The following CCDC78 variants were observed in gnomAD, a reference collection of about 807,000 sequenced individuals.
CCDC78 encodes coiled-coil domain containing 78.
In CCDC78, 78 loss-of-function variants were observed where a neutral mutation model predicts 61.9. The ratio of observed to expected loss-of-function variants is 1.26; its 90% confidence interval spans 1.05 to 1.52. The LOEUF is 1.52. CCDC78 is among the 40% of genes most tolerant of loss of function. The pLI is 0.00. For synonymous variants in CCDC78, 287 were observed against 251.9 expected, an observed-to-expected ratio of 1.14 and a Z score of -1.32; for missense variants, 737 against 615.5, an observed-to-expected ratio of 1.20 and a Z score of -2.09.
chr16:722,900 A>C (rs2040351627), intron 13 of CCDC78, 22 bp downstream of exon 13: 2 of 1,610,690 alleles, frequency 1.2e-6, no homozygotes, highest in Non-Finnish European at 8.5e-7. Context: ...CCCTGGGGTC[A>C]CACCCAGCTC....
At chr16:724,878 C>T in intron 7 of CCDC78, 33 bp downstream of exon 7, 1 of 1,598,550 alleles carries the variant, frequency 6.3e-7, no homozygotes, top group Non-Finnish European at 8.5e-7. Flanking sequence ...CCCCCACCCT[C>T]CAGGTCTCCA....
At position 726,421 on chromosome 16, in the gene CCDC78, TC is replaced by T; in HGVS notation, c.-55del. 6.7e-7 allele frequency: 1 copy of T among 1,500,612 alleles called. No individual in the cohort carries two copies. The highest frequency in any genetic ancestry group is 8.8e-7 in the Non-Finnish European group (1 of 1,135,026). The allele number at this position is 1,500,612 out of a possible 1,614,324, so 93.0% of individuals were successfully genotyped here. On this transcript the variant is annotated 5_prime_UTR_variant, in exon 1 of 14. It removes the in-frame stop codon of an upstream open reading frame in the 5' UTR. Transcript: ENST00000345165. ...CCCGGTGCTGCCTCCACGCCCGGCTTCCCCATGGCTGCTGCTGCCACTGGCA... is the reference window on the plus strand; with the variant it reads ...CCCGGTGCTGCCTCCACGCCCGGCTTCCCATGGCTGCTGCTGCCACTGGCA...
intron 11 of CCDC78, 151 bp from the exon 12 acceptor site, chr16:723,312 C>T (rs997288453): frequency 2.2e-5 from 19 of 851,678 alleles, no homozygotes; most frequent in East Asian, 1.8e-4. Flanking sequence ...GCTCCTGTGG[C>T]GCCCCCCCCA....
intron 3 of CCDC78, 57 bp downstream of exon 3, chr16:725,737 C>T: frequency 1.3e-6 from 2 of 1,576,438 alleles, no homozygotes; most frequent in Non-Finnish European, 1.7e-6. Context: ...GGGCACGTGT[C>T]CTGGGCCTGC....
chr16:724,282 C>G (rs903278547), intron 9 of CCDC78, 40 bp downstream of exon 9: 1 of 1,599,126 alleles, frequency 6.3e-7, no homozygotes, highest in Non-Finnish European at 8.5e-7. Flanking sequence ...GGCTTAGAGA[C>G]CCACAGATGC....
At position 722,780 on chromosome 16, in the gene CCDC78, G is replaced by C. The variant is rs775569629; in HGVS notation, c.1311C>G (p.His437Gln). The C allele has an allele frequency of 1.2e-5, 19 of 1,612,476 alleles. No individual in the cohort carries two copies. Among genetic ancestry groups the C allele is most frequent in the Admixed American group, 3.3e-5 (2 of 60,000 alleles). ...CCAGCTTCCTCAGCCTCAGGATTTCGTGCTTGTACCTGCTCAGAGGAACCA... is the reference window on the plus strand; with the variant it reads ...CCAGCTTCCTCAGCCTCAGGATTTCCTGCTTGTACCTGCTCAGAGGAACCA... ...YVDQHLGRYKHEILRLRKLAG... is the reference protein window; with the variant it reads ...YVDQHLGRYKQEILRLRKLAG... The change falls in exon 14 of 14, where the codon CAC (histidine) becomes CAG (glutamine). Residue 437 changes from histidine (H) to glutamine (Q), a missense_variant. Transcript: ENST00000345165.
At chr16:724,055 G>A (rs1414467483) in intron 10 of CCDC78, 51 bp downstream of exon 10, 1 of 888,266 alleles carries the variant, frequency 1.1e-6, no homozygotes, top group Non-Finnish European at 1.4e-6. Context: ...TGGGGCAGTG[G>A]GTGGGTGGGG....
chr16:725,608 C>T (rs768997934), intron 3 of CCDC78, 28 bp from the exon 4 acceptor site: 15 of 1,596,498 alleles, frequency 9.4e-6, no homozygotes, highest in Non-Finnish European at 1.3e-5. Flanking sequence ...TGAGCAGGTG[C>T]ACCTGCCCGC....
At chr16:725,630 G>A (rs2040829015) in intron 3 of CCDC78, 50 bp from the exon 4 acceptor site, 2 of 1,590,308 alleles carry the variant, frequency 1.3e-6, no homozygotes, top group South Asian at 1.1e-5. Context: ...GGCCACCTGG[G>A]GTAGGTGAAC....
intron 11 of CCDC78, 138 bp from the exon 12 acceptor site, chr16:723,299 C>A: frequency 2.1e-6 from 2 of 951,554 alleles, no homozygotes; most frequent in Middle Eastern, 2.1e-4. Context: ...GGGCCCCCCC[C>A]GTGCTCCTGT....
intron 11 of CCDC78, 146 bp downstream of exon 11, chr16:723,711 G>A: frequency 1.3e-6 from 1 of 750,836 alleles, no homozygotes; most frequent in Non-Finnish European, 2.3e-6. Flanking sequence ...AGGGACCCCA[G>A]GGTGGGGATG....
chr16:723,908 G>A lies in CCDC78; in HGVS notation c.1082C>T (p.Ser361Phe), dbSNP rs921769306. The change falls in exon 11 of 14, where the codon TCC (serine) becomes TTC (phenylalanine). Residue 361 changes from serine (S) to phenylalanine (F), a missense_variant. By Grantham distance (155) the Ser-to-Phe change is radical (BLOSUM62 -2). Transcript: ENST00000345165. ...QHGGPGALLS[S>F]PKKRPGGASQ... is the part of the protein sequence containing the mutation. ...GGCTCCACCGGGTCTCTTTTTTGGG[G>A]ATGAGAGCAGTGCCCCAGGCCCGCC... 6.9e-6 allele frequency: 11 copies of A among 1,601,270 alleles called. No individual in the cohort carries two copies. The highest frequency in any genetic ancestry group is 1.7e-5 in the Admixed American group (1 of 58,464).
Position 726,098 on chromosome 16 carries a change from C to A in CCDC78, c.61-13G>T, listed in dbSNP as rs576534778. The A allele has an allele frequency of 6.5e-7, 1 of 1,549,046 alleles. No individual in the cohort carries two copies. Among genetic ancestry groups the A allele is most frequent in the Admixed American group, 2.0e-5 (1 of 50,818 alleles). ...CTCGTAGCACAACCTGGGGAGGTAC[C>A]GCCACCCATTCCCCAGGTGGGTCCC... On this transcript the variant is annotated splice_polypyrimidine_tract_variant and intron_variant, in intron 1 of 13. Coordinates refer to ENST00000345165, the MANE Select transcript of CCDC78 (RefSeq NM_001378030.1).
In CCDC78 at chr16:725,165, G is replaced by A; in HGVS notation, c.493-20C>T. The stretch of plus-strand genomic sequence containing the variant: ...CTGCAGCTGTGGGGCACACAGGGCT[G>A]GCTGGATGAGACCCTAGGCTTGGGG... On this transcript the variant is annotated intron_variant, in intron 5 of 13. Transcript: ENST00000345165. The A allele has an allele frequency of 1.9e-6, 3 of 1,612,604 alleles. No individual in the cohort carries two copies. Among genetic ancestry groups the A allele is most frequent in the Non-Finnish European group, 2.5e-6 (3 of 1,180,018 alleles).
chr16:723,180 G>A lies in CCDC78; in HGVS notation c.1134-19C>T, dbSNP rs1320283995. 14 of 1,611,900 alleles carry A rather than the reference G, an allele frequency of 8.7e-6. No individual in the cohort carries two copies. The highest frequency in any genetic ancestry group is 1.3e-5 in the African/African-American group (1 of 75,050). ...CAGGCCCCTGTGAGGGGAGAGGAAA[G>A]GAGGAGTGGTTTTGAGAGCTGGCAT... On this transcript the variant is annotated intron_variant, in intron 11 of 13. Transcript: ENST00000345165.
rs375625161 is a variant in CCDC78, at chr16:724,414, G to A, written c.861C>T (p.Ser287=). Residue 287 remains serine, a synonymous_variant, in exon 9 of 14, where the codon AGC becomes AGT. Coordinates refer to ENST00000345165, the MANE Select transcript of CCDC78 (RefSeq NM_001378030.1). ...CAGCCCGGGCCAGCTGCTGCTCACG[G>A]CTGCGGTGCGCTGCCCGGATGTCCT... ...TLEDIRAAHR[S]REQQLARAAR... is the part of the protein sequence containing the mutation. 47 of 1,609,226 alleles carry A rather than the reference G, an allele frequency of 2.9e-5. No homozygotes were observed. The African/African-American group carries it at 6.1e-4, about 21-fold the overall frequency.
chr16:722,690 G>A lies in CCDC78; in HGVS notation c.1401C>T (p.Thr467=), dbSNP rs761477432. 3.7e-5 allele frequency: 59 copies of A among 1,607,268 alleles called. No homozygotes were observed. The East Asian group carries it at 1.0e-3, about 28-fold the overall frequency. Residue 467 remains threonine (T), a synonymous_variant, in exon 14 of 14, where the codon ACC becomes ACT. Transcript: ENST00000345165. ...VPPAKPQHPR[T]GSH ...CTTGGGAGACGGCCTAGTGGCTGCC[G>A]GTCCTTGGATGCTGGGGCTTGGCTG... is the stretch of plus-strand genomic sequence containing the variant.
At position 724,672 on chromosome 16, in the gene CCDC78, A is replaced by C; in HGVS notation, c.765+9T>G. The C allele has an allele frequency of 6.2e-7, 1 of 1,608,530 alleles. No individual in the cohort carries two copies. The highest frequency in any genetic ancestry group is 8.5e-7 in the Non-Finnish European group (1 of 1,179,418). On this transcript the variant is annotated intron_variant, in intron 8 of 13. Transcript: ENST00000345165. The stretch of plus-strand genomic sequence containing the variant: ...TCCCTAGGCCTCAGGGTGCTCCTGC[A>C]GGGCTCACCACTGCCTGCCAGGCGC...
At chr16:725,680 G>C in intron 3 of CCDC78, 100 bp from the exon 4 acceptor site, 1 of 1,573,088 alleles carries the variant, frequency 6.4e-7, no homozygotes, top group Non-Finnish European at 8.6e-7. Flanking sequence ...AGCACTCAGA[G>C]GCAGGCTGAG....
Sources: allele counts gnomAD v4.1 joint callset, GRCh38; gene constraint gnomAD v4.1.1; transcripts MANE v1.5; gene names NCBI Gene and HGNC (gene_info 2026-07-23, HGNC 2026-07-21).